The following NAALADL2 variants were observed in gnomAD, a reference collection of about 807,000 sequenced individuals.
NAALADL2 encodes the protein inactive N-acetylated-alpha-linked acidic dipeptidase-like protein 2.
A neutral mutation model predicts 87.2 loss-of-function variants in NAALADL2; 76 were observed. The ratio of observed to expected loss-of-function variants is 0.87; its 90% confidence interval spans 0.72 to 1.05. The LOEUF is 1.05. Among genes scored for constraint, NAALADL2 ranks in the 50% least tolerant of loss-of-function variants. NAALADL2 has a pLI of 0.00. For synonymous variants in NAALADL2, 354 were observed against 331.0 expected (o/e 1.07, Z -0.75); for missense variants, 1,089 against 945.8 (o/e 1.15, Z -1.99).
chr3:175,159,801 CA>C (rs1732857854), intron 2 of NAALADL2, among the ~76,000 whole-genome samples: 1 of 151,340 alleles, frequency 6.6e-6, no homozygotes, highest in African/African-American at 2.4e-5. Context: ...GCCTCCCTCC[CA>C]TCCTTCCTTC....
At chr3:174,492,851 G>C (rs1718290521) in intron 1 of NAALADL2, among the ~76,000 whole-genome samples, 1 of 152,168 alleles carries the variant, frequency 6.6e-6, no homozygotes, top group Non-Finnish European at 1.5e-5. Flanking sequence ...AAGAACTGAA[G>C]CACCAGTTAT....
At chr3:174,519,326 C>CT (rs557612913) in intron 1 of NAALADL2, among the ~76,000 whole-genome samples, 3,360 of 128,890 alleles carry the variant, frequency 0.026, 118 homozygotes, top group African/African-American at 0.078. Context: ...TGAAGATTTC[C>CT]TTTTTTTTTT....
At chr3:175,391,971 G>A (rs146411118) in intron 5 of NAALADL2, among the ~76,000 whole-genome samples, 45 of 152,002 alleles carry the variant, frequency 3.0e-4, no homozygotes, top group Non-Finnish European at 5.9e-4. Context: ...TTGAATCATC[G>A]CAACCTCCCT....
chr3:174,755,404 A>G (rs1578799405), intron 3 of NAALADL2, among the ~76,000 whole-genome samples: 1 of 152,226 alleles, frequency 6.6e-6, no homozygotes, highest in Non-Finnish European at 1.5e-5. Context: ...TATGTGGCTA[A>G]TGAATGTCCT....
rs966350302 is a variant in NAALADL2 at position 175,063,468 on chromosome 3, C to T, written c.44-33322C>T. ...GGCAGAGTAAAATATATATAAACAG[C>T]CTGTTTATATATATTTTACTGCTTT... On this transcript the variant is annotated intron_variant, in intron 1 of 13. Coordinates refer to ENST00000454872, the MANE Select transcript of NAALADL2 (RefSeq NM_207015.3). 2.6e-5 allele frequency among the ~76,000 whole-genome samples: 4 copies of T among 150,986 alleles called. No individual in the cohort carries two copies. In the South Asian group the frequency reaches 6.3e-4, roughly 24 times the overall value.
intron 2 of NAALADL2, among the ~76,000 whole-genome samples, chr3:174,655,636 A>T (rs1724840561): frequency 6.6e-6 from 1 of 152,186 alleles, no homozygotes; most frequent in Non-Finnish European, 1.5e-5. Flanking sequence ...TACCAAATTA[A>T]AGTATTAAAG....
In NAALADL2 at chr3:175,326,021, C is replaced by T. The variant is rs539133409; in HGVS notation, c.1090+1696C>T. On this transcript the variant is annotated intron_variant, in intron 5 of 13. Coordinates refer to ENST00000454872, the MANE Select transcript of NAALADL2 (RefSeq NM_207015.3). ...TCTACTTCTCTTTTAATTAAAAATT[C>T]CATTTTAAAACATTTTTCACTTCTT... 3.9e-5 allele frequency among the ~76,000 whole-genome samples: 6 copies of T among 152,312 alleles called. No individual in the cohort carries two copies. The South Asian group carries it at 1.2e-3, about 32-fold the overall frequency.
chr3:175,683,041 T>C (rs1735797043), intron 11 of NAALADL2, among the ~76,000 whole-genome samples: 1 of 152,010 alleles, frequency 6.6e-6, no homozygotes, highest in Admixed American at 6.5e-5. Context: ...AATGTTGATA[T>C]ATGAAACAGA....
chr3:174,999,032 A>C (rs1747889757), intron 1 of NAALADL2, among the ~76,000 whole-genome samples: 1 of 152,180 alleles, frequency 6.6e-6, no homozygotes, highest in African/African-American at 2.4e-5. Flanking sequence ...AGACTAAAAC[A>C]TGCAATTAAA....
chr3:174,949,419 C>G (rs1739992541), intron 1 of NAALADL2, among the ~76,000 whole-genome samples: 1 of 152,142 alleles, frequency 6.6e-6, no homozygotes, highest in Admixed American at 6.5e-5. Context: ...CTGATACCAT[C>G]TCTTAGTAGG....
chr3:175,088,378 T>C (rs73037295), intron 1 of NAALADL2, among the ~76,000 whole-genome samples: 367 of 152,324 alleles, frequency 2.4e-3, no homozygotes, highest in African/African-American at 7.9e-3. Flanking sequence ...GCTGCCTCCT[T>C]CTTTCCCACG....
chr3:175,333,410 G>A (rs1260975110), intron 5 of NAALADL2, among the ~76,000 whole-genome samples: 1 of 152,142 alleles, frequency 6.6e-6, no homozygotes, highest in Non-Finnish European at 1.5e-5. Context: ...GGTGGTGGCT[G>A]TAAGCAAGAT....
At chr3:174,522,089 A>G (rs977293471) in intron 1 of NAALADL2, among the ~76,000 whole-genome samples, 1 of 152,008 alleles carries the variant, frequency 6.6e-6, no homozygotes, top group African/African-American at 2.4e-5. Flanking sequence ...ACAGAGTGAG[A>G]CTCTGTCTCA....
intron 2 of NAALADL2, among the ~76,000 whole-genome samples, chr3:174,612,451 G>A (rs1192192314): frequency 6.6e-6 from 1 of 151,858 alleles, no homozygotes; most frequent in Admixed American, 6.6e-5. Flanking sequence ...CTATTTTCTA[G>A]ATCCTGTATG....
At chr3:174,616,102 C>T (rs1008220172) in intron 2 of NAALADL2, among the ~76,000 whole-genome samples, 1 of 151,788 alleles carries the variant, frequency 6.6e-6, no homozygotes, top group Non-Finnish European at 1.5e-5. Flanking sequence ...CCCCCTGTAC[C>T]CAGATTATCA....
rs1036950120 is a variant in NAALADL2, at chr3:174,894,506, A to T, written c.43+35056A>T. On this transcript the variant is annotated intron_variant, in intron 1 of 13. Coordinates refer to ENST00000454872, the MANE Select transcript of NAALADL2 (RefSeq NM_207015.3). ...ACACTTGGGAGGCTGAGGCACGAGG[A>T]TCGCTTGGACCTGGGAGGCGGAGGT... Among the ~76,000 whole-genome samples the T allele has an allele frequency of 2.7e-5, 4 of 148,114 alleles. No homozygotes were observed. The South Asian group carries it at 8.7e-4, about 32-fold the overall frequency.
chr3:175,262,514 T>C (rs1751219816), intron 4 of NAALADL2, among the ~76,000 whole-genome samples: 1 of 151,738 alleles, frequency 6.6e-6, no homozygotes, highest in Admixed American at 6.6e-5. Context: ...ATAGGGTGCC[T>C]AATGCAATGG....
At position 175,097,038 on chromosome 3, in the gene NAALADL2, C is replaced by T. The variant is rs751410133; in HGVS notation, c.292C>T (p.Gln98Ter). ...AGCAACTTCACCCAAAGGAAGGTTCCAGAGACTTCAAGAAGAATCTGACTA... is the reference window on the plus strand; with the variant it reads ...AGCAACTTCACCCAAAGGAAGGTTCTAGAGACTTCAAGAAGAATCTGACTA... ...QPATSPKGRF[Q>*]RLQEESDYIT... is the part of the protein sequence containing the mutation. Residue 98 changes from glutamine to a stop codon, truncating the protein, a stop_gained, in exon 2 of 14, where the codon CAG (glutamine) becomes TAG (stop). Coordinates refer to ENST00000454872, the MANE Select transcript of NAALADL2 (RefSeq NM_207015.3). LOFTEE classifies it high-confidence loss of function. The T allele has an allele frequency of 6.2e-7, 1 of 1,613,640 alleles. No homozygotes were observed. The highest frequency in any genetic ancestry group is 1.3e-5 in the African/African-American group (1 of 75,016).
intron 13 of NAALADL2, chr3:175,773,715 A>G (rs972931153): frequency 2.0e-5 from 3 of 152,124 alleles, no homozygotes; most frequent in African/African-American, 7.2e-5. Context: ...TGAGACTTCA[A>G]TGTTTTTGGC....
Sources: allele counts gnomAD v4.1 joint callset (sites outside exome capture counted in the v4.1 genomes callset), GRCh38; gene constraint gnomAD v4.1.1; transcripts MANE v1.5; gene names NCBI Gene and HGNC (gene_info 2026-07-23, HGNC 2026-07-21).